DCAF10: variants seen among roughly 807,000 people sequenced by gnomAD.
DCAF10 encodes the protein DDB1 and CUL4 associated factor 10.
In DCAF10, 19 loss-of-function variants were observed where a neutral mutation model predicts 51.9. The ratio of observed to expected loss-of-function variants is 0.37; its 90% confidence interval spans 0.26 to 0.54. DCAF10 has a LOEUF of 0.54. DCAF10 is among the 20% of genes least tolerant of loss of function. The pLI is 0.87. For synonymous variants in DCAF10, 291 were observed against 297.1 expected, an observed-to-expected ratio of 0.98 and a Z score of 0.21; for missense variants, 510 against 730.6, an observed-to-expected ratio of 0.70 and a Z score of 3.48.
At position 37,801,428 on chromosome 9, in the gene DCAF10, C is replaced by G. The variant is rs1194130941; in HGVS notation, c.539+23C>G. The G allele has an allele frequency of 1.1e-5, 16 of 1,422,028 alleles. No individual in the cohort carries two copies. The highest frequency in any genetic ancestry group is 1.4e-5 in the Non-Finnish European group (15 of 1,085,970). The allele number at this position is 1,422,028 out of a possible 1,614,324, so 88.1% of individuals were successfully genotyped here. ...CGGGTAAGCGCGGCCCCTCGGAGGG[C>G]GGGCGCCCGCCTCCGCCCGGCTCTG... On this transcript the variant is annotated intron_variant, in intron 1 of 6. Transcript: ENST00000377724. The surrounding 1 kb of genome is among the most constrained non-coding windows in gnomAD (Gnocchi z 5.5).
intron 3 of DCAF10, among the ~76,000 whole-genome samples, chr9:37,848,742 GA>G (rs34272161): frequency 0.19 from 29,080 of 151,822 alleles, 3,175 homozygotes; most frequent in African/African-American, 0.29. Context: ...GAGGCCGAGG[GA>G]GGGTGGATCA....
chr9:37,822,727 C>G (rs1271571496), intron 2 of DCAF10, among the ~76,000 whole-genome samples: 1 of 152,018 alleles, frequency 6.6e-6, no homozygotes, highest in Non-Finnish European at 1.5e-5. Context: ...ACCAGGGTCT[C>G]ACAAATTCCC....
In DCAF10 at chr9:37,801,056, C is replaced by G. The variant is rs1021805011; in HGVS notation, c.190C>G (p.Pro64Ala). 2.6e-6 allele frequency: 4 copies of G among 1,534,876 alleles called. No homozygotes were observed. The South Asian group carries it at 4.8e-5, about 18-fold the overall frequency. Residue 64 changes from proline (P) to alanine (A), a missense_variant, in exon 1 of 7, where the codon CCG (proline) becomes GCG (alanine). Pro to Ala is a conservative substitution (Grantham distance 27, BLOSUM62 -1). Around this residue, in one of 4 missense-constraint regions of DCAF10, gnomAD observed 251 missense variants for 227.9 expected, o/e 1.10. Coordinates refer to ENST00000377724, the MANE Select transcript of DCAF10 (RefSeq NM_024345.5). This position sits in a 1 kb window ranked among gnomAD's most constrained non-coding sequence, Gnocchi z 5.5. ...CCGCCCCGGCGCCCCATCGCTGTCC[C>G]CGGCCCCGCGCTCCGGAGAGCTAGG... ...PRRPGAPSLS[P>A]APRSGELGLP...
intron 2 of DCAF10, among the ~76,000 whole-genome samples, chr9:37,839,640 C>T (rs772852102): frequency 1.3e-5 from 2 of 152,206 alleles, no homozygotes; most frequent in Non-Finnish European, 2.9e-5. Context: ...ACACACAGCA[C>T]TCCTAACTGC....
intron 1 of DCAF10, among the ~76,000 whole-genome samples, chr9:37,806,262 A>G (rs1829111188): frequency 6.6e-6 from 1 of 152,198 alleles, no homozygotes; most frequent in Middle Eastern, 3.2e-3. Context: ...AAGCCTGTTA[A>G]GTGTCATCTT....
intron 3 of DCAF10, among the ~76,000 whole-genome samples, chr9:37,851,758 G>A (rs1830657516): frequency 6.6e-6 from 1 of 150,886 alleles, no homozygotes; most frequent in South Asian, 2.1e-4. Flanking sequence ...TCATGCCACT[G>A]CATTGGGCGA....
chr9:37,852,959 T>TATATATATAC (rs1430824626), intron 3 of DCAF10, among the ~76,000 whole-genome samples: 1 of 82,236 alleles, frequency 1.2e-5, no homozygotes, highest in Non-Finnish European at 2.6e-5. Context: ...TATATATATA[T>TATATATATAC]ATATATAAAT....
chr9:37,800,733 G>C, upstream of DCAF10: 1 of 1,534,762 alleles, frequency 6.5e-7, no homozygotes, highest in Non-Finnish European at 8.7e-7. Context: ...CCCGGCGGAC[G>C]GTGGCCGAGG....
At chr9:37,830,169 AATACT>A (rs1186319220) in intron 2 of DCAF10, among the ~76,000 whole-genome samples, 2 of 152,240 alleles carry the variant, frequency 1.3e-5, no homozygotes, top group African/African-American at 4.8e-5. Flanking sequence ...CATACAATGA[AATACT>A]ATACATCAGT....
rs1279101026 is a variant in DCAF10 at position 37,860,476 on chromosome 9, C to G, written c.1311+283C>G. 1.0e-5 allele frequency: 3 copies of G among 297,492 alleles called. No individual in the cohort carries two copies. In the East Asian group the frequency reaches 1.7e-4, roughly 17 times the overall value. 18.4% of individuals were successfully genotyped at this position (297,492 alleles called of 1,614,324 possible). On this transcript the variant is annotated intron_variant, in intron 6 of 6. Transcript: ENST00000377724. ...TTTTGCCCAGCTTCTTAAATCTTGC[C>G]TCTTTCATCTCACCCTAAACAAACA...
Position 37,801,045 on chromosome 9 carries a change from C to A in DCAF10, c.179C>A (p.Pro60Gln), listed in dbSNP as rs1410880906. Residue 60 changes from proline to glutamine, a missense_variant, in exon 1 of 7, where the codon CCA becomes CAA. This residue lies in a region of DCAF10 where 251 missense variants were observed against 227.9 expected (regional missense o/e 1.10). Transcript: ENST00000377724. The surrounding 1 kb of genome is among the most constrained non-coding windows in gnomAD (Gnocchi z 5.5). ...PARSPRRPGA[P>Q]SLSPAPRSGE... ...CGAAGCCCTCGCCGCCCCGGCGCCC[C>A]ATCGCTGTCCCCGGCCCCGCGCTCC... 2 of 1,537,800 alleles carry A rather than the reference C, an allele frequency of 1.3e-6. No homozygotes were observed. Among genetic ancestry groups the A allele is most frequent in the Admixed American group, 3.8e-5 (2 of 53,178 alleles).
At chr9:37,857,675 A>T (rs945832260) in intron 5 of DCAF10, among the ~76,000 whole-genome samples, 16 of 152,128 alleles carry the variant, frequency 1.1e-4, no homozygotes, top group Admixed American at 1.0e-3. Context: ...TGCACGTGAA[A>T]GCTCTGTATA....
chr9:37,836,154 C>T (rs1589099912), intron 2 of DCAF10: 3 of 1,387,548 alleles, frequency 2.2e-6, no homozygotes, highest in Middle Eastern at 4.2e-4. Context: ...ATTTACTCTT[C>T]TCATATCAGT....
intron 3 of DCAF10, among the ~76,000 whole-genome samples, chr9:37,850,972 G>A (rs942106462): frequency 3.3e-5 from 5 of 150,166 alleles, no homozygotes; most frequent in East Asian, 4.0e-4. Context: ...GGCCTGGTGC[G>A]GTAGCTCATG....
chr9:37,826,112 A>G (rs1829846213), intron 2 of DCAF10, among the ~76,000 whole-genome samples: 1 of 151,922 alleles, frequency 6.6e-6, no homozygotes, highest in African/African-American at 2.4e-5. Context: ...GAGTTAATGC[A>G]TAGCTGAACA....
chr9:37,863,349 A>AAAAAAAAAAAAAAAAAAAC lies in DCAF10; in HGVS notation c.*1841_*1842insAAAAAAAAAAAAAAAAAAC. ...TCAAAAAAAAAAAAAAAAAAAAAAA[A>AAAAAAAAAAAAAAAAAAAC]TTCTTCTCTACCCATTTGGGCTTAA... On this transcript the variant is annotated 3_prime_UTR_variant, in exon 7 of 7. Coordinates refer to ENST00000377724, the MANE Select transcript of DCAF10 (RefSeq NM_024345.5). The AAAAAAAAAAAAAAAAAAAC allele has an allele frequency of 6.6e-6, 1 of 150,814 alleles. No individual in the cohort carries two copies. The highest frequency in any genetic ancestry group is 1.5e-5 in the Non-Finnish European group (1 of 67,828). 9.3% of individuals were successfully genotyped at this position (150,814 alleles called of 1,614,324 possible). A position where few individuals can be genotyped will look rare whatever the true frequency, so the allele number is the denominator to read the frequency against.
chr9:37,804,502 T>G lies in DCAF10; in HGVS notation c.539+3097T>G, dbSNP rs1054064605. 2.6e-5 allele frequency among the ~76,000 whole-genome samples: 4 copies of G among 152,052 alleles called. No individual in the cohort carries two copies. The East Asian group carries it at 7.7e-4, about 29-fold the overall frequency. The stretch of plus-strand genomic sequence containing the variant: ...AAAGACAGAGGAAAAAGGGGCCGGG[T>G]ACGGTGGCTCACGCCTGTAATCCCA... On this transcript the variant is annotated intron_variant, in intron 1 of 6. Coordinates refer to ENST00000377724, the MANE Select transcript of DCAF10 (RefSeq NM_024345.5).
chr9:37,815,978 G>T (rs1829516753), intron 1 of DCAF10, among the ~76,000 whole-genome samples: 2 of 152,092 alleles, frequency 1.3e-5, no homozygotes. Flanking sequence ...ATTTTTTGTA[G>T]AGACAAGGTC....
chr9:37,852,967 A>ATATATATAT (rs1830724468), intron 3 of DCAF10, among the ~76,000 whole-genome samples: 4 of 82,692 alleles, frequency 4.8e-5, no homozygotes, highest in Admixed American at 1.4e-4. Flanking sequence ...TATATATATA[A>ATATATATAT]ATTAGCTTGA....
Sources: gnomAD v4.1 joint callset for allele counts (sites outside exome capture counted in the v4.1 genomes callset) on GRCh38, gnomAD v4.1.1 for gene constraint, gnomAD v4.1.1 regional missense constraint, Gnocchi (gnomAD v3.1) non-coding constraint, MANE v1.5 for transcripts, NCBI Gene and HGNC (gene_info 2026-07-23, HGNC 2026-07-21) for gene names.